Variants in BTN3A3 observed in about 807,000 individuals in gnomAD.
The protein encoded by BTN3A3 is butyrophilin 3.
BTN3A3 carries 39 observed loss-of-function variants against 43.2 expected under a neutral mutation model. The observed-to-expected ratio is 0.90, with a 90% CI of 0.70 to 1.18. The LOEUF (loss-of-function observed/expected upper bound fraction) is 1.18, where lower values mean the gene tolerates loss of function less well. BTN3A3 is among the 50% of genes most tolerant of loss of function. BTN3A3 has a pLI of 0.00. For missense variants in BTN3A3, 631 were observed against 722.8 expected (o/e 0.87, Z 1.46); for synonymous variants, 255 against 272.7 (o/e 0.93, Z 0.64).
chr6:26,445,782 G>T lies in BTN3A3; in HGVS notation c.512G>T (p.Trp171Leu). ...GIHLECRSTGWYPQPQIKWSD... is the reference protein window; with the variant it reads ...GIHLECRSTGLYPQPQIKWSD... ...CATCTGGAGTGCAGGTCCACTGGCT[G>T]GTACCCCCAACCCCAAATAAAGTGG... Residue 171 changes from tryptophan (W) to leucine (L), a missense_variant, in exon 5 of 11, where the codon TGG becomes TTG. Physicochemically the swap from Trp to Leu is moderately conservative, Grantham distance 61. Transcript: ENST00000244519. 1 of 1,614,180 alleles carries T rather than the reference G, an allele frequency of 6.2e-7. No individual in the cohort carries two copies. Among genetic ancestry groups the T allele is most frequent in the Non-Finnish European group, 8.5e-7 (1 of 1,180,038 alleles).
rs1052218685 is a variant in BTN3A3, at chr6:26,440,535, C to T, written c.-180C>T. On this transcript the variant is annotated 5_prime_UTR_variant, in exon 1 of 11. Coordinates refer to ENST00000244519, the MANE Select transcript of BTN3A3 (RefSeq NM_006994.5). ...ATTCCTCACAATAACCAGATAGCCT[C>T]TGCTTTCTTTTTCCTTTCTTCGGAA... is the stretch of plus-strand genomic sequence containing the variant. The T allele has an allele frequency of 6.6e-6, 1 of 152,230 alleles. No homozygotes were observed. Among genetic ancestry groups the T allele is most frequent in the Non-Finnish European group, 1.5e-5 (1 of 68,042 alleles). The allele number at this position is 152,230 out of a possible 1,614,324, so 9.4% of individuals were successfully genotyped here.
rs77474489 is a variant in BTN3A3 at position 26,444,039 on chromosome 6, G to A, written c.168G>A (p.Pro56=). ...EDADLPCHLF[P]TMSAETMELR... is the part of the protein sequence containing the mutation. ...CTGATCTGCCCTGTCACCTGTTCCC[G>A]ACCATGAGTGCAGAGACCATGGAGC... is the stretch of plus-strand genomic sequence containing the variant. The change falls in exon 4 of 11, where the codon CCG becomes CCA. Residue 56 remains proline, a synonymous_variant. Coordinates refer to ENST00000244519, the MANE Select transcript of BTN3A3 (RefSeq NM_006994.5). The A allele has an allele frequency of 2.0e-3, 3,252 of 1,613,918 alleles. 37 individuals carry two copies. The African/African-American group carries it at 0.029, about 14-fold the overall frequency.
In BTN3A3 at chr6:26,451,726, AG is replaced by A; in HGVS notation, c.1072del (p.Asp358ThrfsTer68). ...DTANAILLVS[E>X]DQRSVQRAEE... ...GCAAACGCCATCCTCCTTGTTTCTG[AG>A]GACCAGAGGAGTGTGCAGCGTGCTG... On this transcript the variant is annotated frameshift_variant, in exon 11 of 11. Transcript: ENST00000244519. LOFTEE classifies it low-confidence loss of function (END_TRUNC). 6.2e-7 allele frequency: 1 copy of A among 1,614,130 alleles called. No homozygotes were observed. The highest frequency in any genetic ancestry group is 8.5e-7 in the Non-Finnish European group (1 of 1,180,000).
chr6:26,449,721 G>A, intron 9 of BTN3A3, 33 bp downstream of exon 9: 2 of 1,613,232 alleles, frequency 1.2e-6, no homozygotes, highest in South Asian at 1.1e-5. Flanking sequence ...GGGTTTGCTG[G>A]GTCATGTACA....
chr6:26,447,747 A>G (rs1762818241), intron 5 of BTN3A3, among the ~76,000 whole-genome samples: 1 of 152,156 alleles, frequency 6.6e-6, no homozygotes, highest in South Asian at 2.1e-4. Flanking sequence ...TTAGGCCACT[A>G]CAAACAGAGA....
At position 26,452,284 on chromosome 6, in the gene BTN3A3, A is replaced by G. The variant is rs1762953790; in HGVS notation, c.1628A>G (p.Glu543Gly). The change falls in exon 11 of 11, where the codon GAA (glutamate) becomes GGA (glycine). Residue 543 changes from glutamate to glycine, a missense_variant. Physicochemically the swap from Glu to Gly is moderately conservative, Grantham distance 98. Around this residue, in one of 2 missense-constraint regions of BTN3A3, gnomAD observed 551 missense variants for 584.0 expected, o/e 0.94. Transcript: ENST00000244519. ...CCACTGACCCCGGGCTTAGCTAATG[A>G]AAGTGGGGAGCCTCAGGCTGAAGTA... The part of the protein sequence containing the change: ...ETPLTPGLAN[E>G]SGEPQAEVTS... 1 of 1,613,956 alleles carries G rather than the reference A, an allele frequency of 6.2e-7. No individual in the cohort carries two copies. The highest frequency in any genetic ancestry group is 8.5e-7 in the Non-Finnish European group (1 of 1,180,028).
chr6:26,451,416 A>G (rs1046689597), intron 10 of BTN3A3, among the ~76,000 whole-genome samples: 1 of 152,162 alleles, frequency 6.6e-6, no homozygotes, highest in African/African-American at 2.4e-5. Context: ...AAAATGTAGC[A>G]AGAGGATCCT....
intron 5 of BTN3A3, 37 bp downstream of exon 5, chr6:26,446,022 A>G (rs1157426402): frequency 1.2e-6 from 2 of 1,608,860 alleles, no homozygotes; most frequent in Non-Finnish European, 1.7e-6. Flanking sequence ...TACTGAGCTG[A>G]GCTGTGGCAG....
intron 4 of BTN3A3, 139 bp from the exon 5 acceptor site, chr6:26,445,565 A>G (rs1762753374): frequency 1.8e-6 from 2 of 1,141,496 alleles, no homozygotes; most frequent in Admixed American, 2.7e-5. Context: ...TTTTCTTTTC[A>G]TCATGACCAC....
chr6:26,443,086 C>T (rs1411320789), intron 1 of BTN3A3, among the ~76,000 whole-genome samples: 1 of 152,170 alleles, frequency 6.6e-6, no homozygotes, highest in Non-Finnish European at 1.5e-5. Context: ...GACTTCAGAG[C>T]CTCTGCCAGG....
intron 10 of BTN3A3, among the ~76,000 whole-genome samples, chr6:26,450,390 T>G (rs530336500): frequency 1.3e-5 from 2 of 152,134 alleles, no homozygotes; most frequent in Admixed American, 6.5e-5. Context: ...AGGGTGGAGC[T>G]GAGGGGAAGG....
At position 26,449,516 on chromosome 6, in the gene BTN3A3, A is replaced by G. The variant is rs1762870978; in HGVS notation, c.965-146A>G. 7.5e-6 allele frequency: 6 copies of G among 804,194 alleles called. 1 individual carries two copies. The highest frequency in any genetic ancestry group is 1.2e-5 in the Non-Finnish European group (6 of 483,438). The allele number at this position is 804,194 out of a possible 1,614,324, so 49.8% of individuals were successfully genotyped here. ...GACTTGATATTAAGAAGAAGAGGTGAAGAGAGAATTGAGCTTGCAGAGTGA... is the reference window on the plus strand; with the variant it reads ...GACTTGATATTAAGAAGAAGAGGTGGAGAGAGAATTGAGCTTGCAGAGTGA... On this transcript the variant is annotated intron_variant, in intron 8 of 10. Transcript: ENST00000244519.
rs147740049 is a variant in BTN3A3 at position 26,452,610 on chromosome 6, T to G, written c.*199T>G. 1 of 573,502 alleles carries G rather than the reference T, an allele frequency of 1.7e-6. No homozygotes were observed. The highest frequency in any genetic ancestry group is 2.9e-5 in the East Asian group (1 of 34,106). The allele number at this position is 573,502 out of a possible 1,614,324, so 35.5% of individuals were successfully genotyped here. On this transcript the variant is annotated 3_prime_UTR_variant, in exon 11 of 11. Transcript: ENST00000244519. The stretch of plus-strand genomic sequence containing the variant: ...ATTTAAAATGTTCTTAGTGCTGTGT[T>G]ATAAGCTTTGGTGGATGTCACTCCT...
Position 26,453,275 on chromosome 6 carries a change from A to G in BTN3A3, c.*864A>G, listed in dbSNP as rs1762973569. ...ACTCCTGGTCATTGGTGGATGTTAA[A>G]CCCATATTCCTTTCAACTGCTGCCT... On this transcript the variant is annotated 3_prime_UTR_variant, in exon 11 of 11. Coordinates refer to ENST00000244519, the MANE Select transcript of BTN3A3 (RefSeq NM_006994.5). 6.6e-6 allele frequency: 1 copy of G among 152,000 alleles called. No individual in the cohort carries two copies. The highest frequency in any genetic ancestry group is 6.5e-5 in the Admixed American group (1 of 15,280). The allele number at this position is 152,000 out of a possible 1,614,324, so 9.4% of individuals were successfully genotyped here.
At position 26,451,788 on chromosome 6, in the gene BTN3A3, T is replaced by C. The variant is rs1363803086; in HGVS notation, c.1132T>C (p.Phe378Leu). 2.5e-6 allele frequency: 4 copies of C among 1,613,780 alleles called. No individual in the cohort carries two copies. The highest frequency in any genetic ancestry group is 1.7e-5 in the Admixed American group (1 of 59,990). Residue 378 changes from phenylalanine to leucine, a missense_variant, in exon 11 of 11, where the codon TTT becomes CTT. By Grantham distance (22) the Phe-to-Leu change is conservative (BLOSUM62 0). This residue lies in a region of BTN3A3 where 551 missense variants were observed against 584.0 expected (regional missense o/e 0.94). Coordinates refer to ENST00000244519, the MANE Select transcript of BTN3A3 (RefSeq NM_006994.5). ...GGATCTGCCAGACAACCCTGAGAGATTTGAATGGCGTTACTGTGTCCTTGG... is the reference window on the plus strand; with the variant it reads ...GGATCTGCCAGACAACCCTGAGAGACTTGAATGGCGTTACTGTGTCCTTGG... ...PRDLPDNPER[F>L]EWRYCVLGCE...
chr6:26,442,671 T>C (rs1029422974), intron 1 of BTN3A3, among the ~76,000 whole-genome samples: 1 of 152,242 alleles, frequency 6.6e-6, no homozygotes, highest in Non-Finnish European at 1.5e-5. Flanking sequence ...TTACCACTTT[T>C]ATACTTTAAA....
At chr6:26,442,844 T>A (rs1238114540) in intron 1 of BTN3A3, among the ~76,000 whole-genome samples, 1 of 152,226 alleles carries the variant, frequency 6.6e-6, no homozygotes, top group Non-Finnish European at 1.5e-5. Context: ...AATGGTTTTG[T>A]CCCATGAACA....
intron 5 of BTN3A3, among the ~76,000 whole-genome samples, chr6:26,447,601 G>C (rs1416214730): frequency 6.6e-6 from 1 of 152,160 alleles, no homozygotes; most frequent in Non-Finnish European, 1.5e-5. Flanking sequence ...GACCTCAAGT[G>C]ATCTGCCTGC....
chr6:26,449,566 C>A, intron 8 of BTN3A3, 96 bp from the exon 9 acceptor site: 1 of 1,383,434 alleles, frequency 7.2e-7, no homozygotes, highest in South Asian at 1.2e-5. Context: ...GTGGAATGGT[C>A]AAAAAGAAAG....
Sources: gnomAD v4.1 joint callset for allele counts (sites outside exome capture counted in the v4.1 genomes callset) on GRCh38, gnomAD v4.1.1 for gene constraint, gnomAD v4.1.1 regional missense constraint, MANE v1.5 for transcripts, NCBI Gene and HGNC (gene_info 2026-07-23, HGNC 2026-07-21) for gene names.